Variants in DSCAM observed in about 807,000 individuals in gnomAD.
DSCAM encodes the protein DS cell adhesion molecule.
In DSCAM, 47 loss-of-function variants were observed where a neutral mutation model predicts 217.7. The ratio of observed to expected loss-of-function variants is 0.22; its 90% CI spans 0.17 to 0.28. DSCAM has a LOEUF of 0.28. DSCAM is among the 10% of genes least tolerant of loss of function. DSCAM has a pLI of 1.00. For synonymous variants in DSCAM, 1,056 were observed against 1,015.3 expected, an observed-to-expected ratio of 1.04 and a Z score of -0.76; for missense variants, 2,080 against 2,618.3, an observed-to-expected ratio of 0.79 and a Z score of 4.49.
intron 32 of DSCAM, among the ~76,000 whole-genome samples, chr21:40,030,537 A>T (rs1271175678): frequency 6.6e-6 from 1 of 152,102 alleles, no homozygotes; most frequent in East Asian, 1.9e-4. Context: ...AGGCCAGGAG[A>T]TAGGAATGAG....
At chr21:40,386,950 C>T (rs1167135016) in intron 3 of DSCAM, among the ~76,000 whole-genome samples, 3 of 152,016 alleles carry the variant, frequency 2.0e-5, no homozygotes, top group Non-Finnish European at 4.4e-5. Context: ...TGTCAGATTA[C>T]ATTATTTGGA....
intron 1 of DSCAM, among the ~76,000 whole-genome samples, chr21:40,729,005 C>T (rs140625924): frequency 8.5e-5 from 13 of 152,254 alleles, no homozygotes; most frequent in African/African-American, 1.7e-4. Context: ...TCGCTAGCCC[C>T]GTGTCTGCCA....
chr21:40,326,484 G>A (rs953710836), intron 8 of DSCAM, among the ~76,000 whole-genome samples: 1 of 152,192 alleles, frequency 6.6e-6, no homozygotes, highest in African/African-American at 2.4e-5. Flanking sequence ...AAATGGGGAC[G>A]CTAGAGATGG....
At position 40,536,547 on chromosome 21, in the gene DSCAM, GC is replaced by G. The variant is rs1193708807; in HGVS notation, c.508+156262del. ...CTCCCTAGTAGCTGGGACTACAGGC[GC>G]CCACCACCACGCCTGGCTAATTTTT... On this transcript the variant is annotated intron_variant, in intron 3 of 32. Transcript: ENST00000400454. Among the ~76,000 whole-genome samples the G allele has an allele frequency of 2.6e-5, 4 of 151,926 alleles. No homozygotes were observed. In the East Asian group the frequency reaches 7.8e-4, roughly 29 times the overall value.
At chr21:40,580,619 G>GA (rs1165913146) in intron 3 of DSCAM, among the ~76,000 whole-genome samples, 19 of 152,016 alleles carry the variant, frequency 1.2e-4, no homozygotes, top group Admixed American at 6.5e-4. Context: ...ATGGAAAGTA[G>GA]AAAAAAATCA....
At chr21:40,249,106 T>TG (rs1040822519) in intron 11 of DSCAM, among the ~76,000 whole-genome samples, 4 of 152,196 alleles carry the variant, frequency 2.6e-5, no homozygotes, top group African/African-American at 9.6e-5. Flanking sequence ...GAGATTTGGA[T>TG]GGGGGCACAG....
At chr21:40,781,651 A>G (rs1447074861) in intron 1 of DSCAM, among the ~76,000 whole-genome samples, 1 of 152,136 alleles carries the variant, frequency 6.6e-6, no homozygotes, top group Non-Finnish European at 1.5e-5. Context: ...CCCCACACAT[A>G]CAGAGAGATG....
intron 1 of DSCAM, among the ~76,000 whole-genome samples, chr21:40,843,372 G>A (rs945315653): frequency 1.8e-4 from 8 of 43,614 alleles, no homozygotes; most frequent in African/African-American, 9.1e-4. Context: ...GCATGCATGT[G>A]TGTGTGTGTG....
At chr21:40,350,639 G>A (rs1232002259) in intron 5 of DSCAM, among the ~76,000 whole-genome samples, 1 of 152,092 alleles carries the variant, frequency 6.6e-6, no homozygotes, top group Non-Finnish European at 1.5e-5. Context: ...CACATGTGGA[G>A]GAGGGTGGAT....
At chr21:40,654,706 C>A (rs1293814449) in intron 3 of DSCAM, among the ~76,000 whole-genome samples, 1 of 152,140 alleles carries the variant, frequency 6.6e-6, no homozygotes. Context: ...GAGTTTTCCT[C>A]ACATCTCATC....
At chr21:40,268,998 C>G (rs2073578556) in intron 11 of DSCAM, among the ~76,000 whole-genome samples, 1 of 152,156 alleles carries the variant, frequency 6.6e-6, no homozygotes, top group Non-Finnish European at 1.5e-5. Context: ...CTGCAAATCC[C>G]TATAGCTTCT....
At chr21:40,802,312 G>A (rs1030719043) in intron 1 of DSCAM, among the ~76,000 whole-genome samples, 1 of 152,198 alleles carries the variant, frequency 6.6e-6, no homozygotes, top group African/African-American at 2.4e-5. Flanking sequence ...AGAAATCTGT[G>A]AGTCTTTCTA....
chr21:40,261,652 T>TACACACACACACAC (rs71186922), intron 11 of DSCAM, among the ~76,000 whole-genome samples: 6 of 133,442 alleles, frequency 4.5e-5, no homozygotes, highest in African/African-American at 2.0e-4. Context: ...TCTCTCTCTC[T>TACACACACACACAC]ACACACACAC....
At chr21:40,544,403 G>A (rs728411) in intron 3 of DSCAM, among the ~76,000 whole-genome samples, 16 of 152,140 alleles carry the variant, frequency 1.1e-4, no homozygotes, top group African/African-American at 3.9e-4. Flanking sequence ...ATTTGCAGAT[G>A]TAATTAGTTA....
intron 3 of DSCAM, among the ~76,000 whole-genome samples, chr21:40,497,765 G>A (rs914526581): frequency 6.6e-6 from 1 of 152,146 alleles, no homozygotes; most frequent in Non-Finnish European, 1.5e-5. Context: ...CAAATAAATT[G>A]TTTAAAAAAT....
At chr21:40,271,015 C>T (rs2073609106) in intron 11 of DSCAM, among the ~76,000 whole-genome samples, 1 of 152,228 alleles carries the variant, frequency 6.6e-6, no homozygotes, top group South Asian at 2.1e-4. Flanking sequence ...CTGGCAATGG[C>T]AGGGCTTGAG....
At chr21:40,232,873 TTATTTA>T (rs1334874066) in intron 11 of DSCAM, among the ~76,000 whole-genome samples, 1 of 152,174 alleles carries the variant, frequency 6.6e-6, no homozygotes, top group Non-Finnish European at 1.5e-5. Flanking sequence ...TGTTGTTTAT[TTATTTA>T]TAAGTTATTA....
chr21:40,233,123 C>A (rs181101400), intron 11 of DSCAM, among the ~76,000 whole-genome samples: 1 of 152,036 alleles, frequency 6.6e-6, no homozygotes, highest in Admixed American at 6.6e-5. Context: ...ACCAAACCCC[C>A]GTGACGACAG....
intron 3 of DSCAM, among the ~76,000 whole-genome samples, chr21:40,414,249 C>G (rs925013043): frequency 5.3e-5 from 8 of 152,172 alleles, no homozygotes; most frequent in African/African-American, 1.9e-4. Context: ...GGACCGGTAT[C>G]TAGCACATAT....
Sources: gnomAD v4.1 joint callset for allele counts (sites outside exome capture counted in the v4.1 genomes callset) on GRCh38, gnomAD v4.1.1 for gene constraint, MANE v1.5 for transcripts, NCBI Gene and HGNC (gene_info 2026-07-23, HGNC 2026-07-21) for gene names.